Variants in ABLIM1 observed in about 807,000 individuals in gnomAD.
ABLIM1 encodes the protein actin binding LIM protein 1, also known as actin-binding LIM protein 1.
In ABLIM1, 40 loss-of-function variants were observed where a neutral mutation model predicts 107.0. That is an observed-to-expected ratio of 0.37 (90% CI 0.29 to 0.49). The LOEUF (loss-of-function observed/expected upper bound fraction) is 0.49. Among genes scored for constraint, ABLIM1 ranks in the 20% least tolerant of loss-of-function variants. The pLI is 0.97. For synonymous variants in ABLIM1, 357 were observed against 357.3 expected, an observed-to-expected ratio of 1.00 and a Z score of 0.01; for missense variants, 857 against 1,008.5, an observed-to-expected ratio of 0.85 and a Z score of 2.04.
chr10:114,577,390 T>C (rs1299824711), intron 2 of ABLIM1, among the ~76,000 whole-genome samples: 1 of 152,176 alleles, frequency 6.6e-6, no homozygotes, highest in African/African-American at 2.4e-5. Context: ...TCCAGACTAC[T>C]GGTAATTCCC....
intron 2 of ABLIM1, among the ~76,000 whole-genome samples, chr10:114,576,931 GC>G (rs1316831966): frequency 6.6e-6 from 1 of 152,108 alleles, no homozygotes; most frequent in Non-Finnish European, 1.5e-5. Context: ...ACCACCTGCT[GC>G]CTCCTCTCAC....
rs75361686 is a variant in ABLIM1 at position 114,467,781 on chromosome 10, C to T, written c.1311+400G>A. ...ATTGATTTCAGACTAAACAGAGTAA[C>T]CTCCCATCAAGATGGCTCTGCTTAT... is the stretch of plus-strand genomic sequence containing the variant. On this transcript the variant is annotated intron_variant, in intron 11 of 22. Coordinates refer to ENST00000533213, the MANE Select transcript of ABLIM1 (RefSeq NM_002313.7). 2.5e-3 allele frequency among the ~76,000 whole-genome samples: 376 copies of T among 152,264 alleles called. 3 individuals carry two copies. The highest frequency in any genetic ancestry group is 8.6e-3 in the African/African-American group (359 of 41,558).
intron 6 of ABLIM1, among the ~76,000 whole-genome samples, chr10:114,535,299 C>A (rs2065880144): frequency 6.6e-6 from 1 of 152,158 alleles, no homozygotes; most frequent in African/African-American, 2.4e-5. Flanking sequence ...AGGGAAAGAG[C>A]CTAGAATAGA....
chr10:114,753,194 A>C (rs941060459), intron 1 of ABLIM1, among the ~76,000 whole-genome samples: 6 of 152,160 alleles, frequency 3.9e-5, no homozygotes, highest in African/African-American at 1.4e-4. Context: ...ATAGTGCTGG[A>C]GAAATAAGCT....
intron 3 of ABLIM1, among the ~76,000 whole-genome samples, chr10:114,575,011 T>A (rs2072307448): frequency 6.6e-6 from 1 of 152,172 alleles, no homozygotes; most frequent in Non-Finnish European, 1.5e-5. Context: ...ATTCAGCCCA[T>A]GGGACACAGT....
intron 6 of ABLIM1, among the ~76,000 whole-genome samples, chr10:114,503,175 C>T (rs1394152311): frequency 6.6e-6 from 1 of 152,120 alleles, no homozygotes; most frequent in Non-Finnish European, 1.5e-5. Flanking sequence ...GGCTGCTTTT[C>T]TGGGCATGGT....
chr10:114,467,347 T>C (rs1351542508), intron 11 of ABLIM1, among the ~76,000 whole-genome samples: 3 of 152,216 alleles, frequency 2.0e-5, no homozygotes, highest in Non-Finnish European at 4.4e-5. Context: ...TAGGAATCTG[T>C]TGTCCTATGA....
chr10:114,542,444 A>G (rs1471511692), intron 6 of ABLIM1, among the ~76,000 whole-genome samples: 1 of 151,214 alleles, frequency 6.6e-6, no homozygotes, highest in Non-Finnish European at 1.5e-5. Context: ...AAAAGAAAAA[A>G]AAAAAAGAAA....
At chr10:114,719,162 C>A (rs958108758) in intron 1 of ABLIM1, among the ~76,000 whole-genome samples, 1 of 152,228 alleles carries the variant, frequency 6.6e-6, no homozygotes, top group Non-Finnish European at 1.5e-5. Flanking sequence ...CCATTGATCT[C>A]TCTGCCTTAA....
chr10:114,462,923 C>G, intron 12 of ABLIM1: 1 of 1,096,114 alleles, frequency 9.1e-7, no homozygotes, highest in South Asian at 1.3e-5. Context: ...ATGACACACG[C>G]AGGCATGCTG....
chr10:114,716,291 G>A (rs1000524960), intron 1 of ABLIM1, among the ~76,000 whole-genome samples: 8 of 152,016 alleles, frequency 5.3e-5, no homozygotes, highest in African/African-American at 1.9e-4. Flanking sequence ...TATCTTTTGC[G>A]GCCAGTGTTT....
intron 1 of ABLIM1, among the ~76,000 whole-genome samples, chr10:114,677,140 T>A (rs1224963220): frequency 1.3e-5 from 2 of 152,178 alleles, no homozygotes; most frequent in Non-Finnish European, 2.9e-5. Flanking sequence ...GTCCACTTGT[T>A]TGCCACTGCT....
chr10:114,704,302 CTATATA>C (rs369952218), intron 1 of ABLIM1, among the ~76,000 whole-genome samples: 946 of 42,994 alleles, frequency 0.022, 13 homozygotes, highest in Middle Eastern at 0.047. Flanking sequence ...CTCTCTCTCT[CTATATA>C]TATATATATA....
At chr10:114,718,035 AAG>A (rs1216180203) in intron 1 of ABLIM1, among the ~76,000 whole-genome samples, 12 of 99,648 alleles carry the variant, frequency 1.2e-4, no homozygotes, top group Non-Finnish European at 2.2e-4. Flanking sequence ...AGGAAGGAGA[AAG>A]AGAAAGAGAA....
rs1036871665 is a variant in ABLIM1, at chr10:114,460,429, C to T, written c.1441+5269G>A. Among the ~76,000 whole-genome samples, 10 of 152,168 alleles carry T rather than the reference C, an allele frequency of 6.6e-5. No homozygotes were observed. The South Asian group carries it at 8.3e-4, about 13-fold the overall frequency. On this transcript the variant is annotated intron_variant, in intron 12 of 22. Transcript: ENST00000533213. ...CAGCCTGGTCAACATGGTGAAACCC[C>T]GTCTCTACTAAAAATACGAAAATTA... is the stretch of plus-strand genomic sequence containing the variant.
intron 1 of ABLIM1, among the ~76,000 whole-genome samples, chr10:114,644,051 G>A (rs1233085697): frequency 6.6e-6 from 1 of 151,222 alleles, no homozygotes; most frequent in Non-Finnish European, 1.5e-5. Context: ...GGAGGCCGAG[G>A]CGGGCAGATC....
rs568503728 is a variant in ABLIM1 at position 114,539,861 on chromosome 10, G to A, written c.894+5144C>T. On this transcript the variant is annotated intron_variant, in intron 6 of 22. Transcript: ENST00000533213. Reference sequence around the variant, plus strand: ...CTTCCTGTTACCATTAGGCTGTTAGGCAGAAAGAAGGTGGGGGCAGGGGAA... The same window carrying A: ...CTTCCTGTTACCATTAGGCTGTTAGACAGAAAGAAGGTGGGGGCAGGGGAA... Among the ~76,000 whole-genome samples the A allele has an allele frequency of 2.0e-5, 3 of 151,870 alleles. No individual in the cohort carries two copies. In the South Asian group the frequency reaches 6.3e-4, roughly 32 times the overall value.
At chr10:114,491,063 A>G (rs894437180) in intron 7 of ABLIM1, among the ~76,000 whole-genome samples, 1 of 142,270 alleles carries the variant, frequency 7.0e-6, no homozygotes, top group Non-Finnish European at 1.5e-5. Context: ...AGAGTTGAGG[A>G]TTCCCTATGT....
chr10:114,755,497 T>C (rs1417922509), intron 1 of ABLIM1, among the ~76,000 whole-genome samples: 3 of 152,220 alleles, frequency 2.0e-5, no homozygotes, highest in Admixed American at 2.0e-4. Flanking sequence ...TACTCATTCC[T>C]GTGCTTCATG....
Sources: allele counts gnomAD v4.1 joint callset (sites outside exome capture counted in the v4.1 genomes callset), GRCh38; gene constraint gnomAD v4.1.1; transcripts MANE v1.5; gene names NCBI Gene and HGNC (gene_info 2026-07-23, HGNC 2026-07-21).